Variants in PRKG1 observed in about 807,000 individuals in gnomAD.
PRKG1 encodes cGMP-dependent protein kinase 1.
Under a neutral mutation model 88.1 loss-of-function variants are expected in PRKG1, and 35 were observed. The observed-to-expected ratio is 0.40, with a 90% CI of 0.30 to 0.53. The LOEUF (loss-of-function observed/expected upper bound fraction) is 0.53, where lower values mean the gene tolerates loss of function less well. Among genes scored for constraint, PRKG1 ranks in the 20% least tolerant of loss-of-function variants. The pLI is 0.59. For missense variants in PRKG1, 540 were observed against 839.8 expected (o/e 0.64, Z 4.41); for synonymous variants, 303 against 292.5 (o/e 1.04, Z -0.37).
Position 51,683,877 on chromosome 10 carries a change from G to A in PRKG1, c.593-120708G>A, listed in dbSNP as rs1564605029. Among the ~76,000 whole-genome samples the A allele has an allele frequency of 2.6e-5, 4 of 152,204 alleles. No homozygotes were observed. In the South Asian group the frequency reaches 8.3e-4, roughly 32 times the overall value. ...GTTACAAAAAAACAGAATCAGATTG[G>A]TCTATTGCAGTTACAAGAGGATGTA... On this transcript the variant is annotated intron_variant, in intron 3 of 17. Coordinates refer to ENST00000373980, the MANE Select transcript of PRKG1 (RefSeq NM_006258.4).
intron 2 of PRKG1, among the ~76,000 whole-genome samples, chr10:51,185,148 C>G (rs1837452823): frequency 6.6e-6 from 1 of 152,068 alleles, no homozygotes; most frequent in Admixed American, 6.6e-5. Context: ...TTCACAGGGT[C>G]AAGTCTTGGA....
At chr10:51,628,693 CT>C (rs1219694446) in intron 3 of PRKG1, among the ~76,000 whole-genome samples, 1 of 152,052 alleles carries the variant, frequency 6.6e-6, no homozygotes, top group African/African-American at 2.4e-5. Context: ...GGCGCGGTGG[CT>C]CACGCCTGTA....
rs1379572247 is a variant in PRKG1, at chr10:51,153,215, C to G, written c.363C>G (p.Asn121Lys). The G allele has an allele frequency of 6.2e-7, 1 of 1,612,396 alleles. No individual in the cohort carries two copies. The highest frequency in any genetic ancestry group is 1.3e-5 in the African/African-American group (1 of 74,782). ...EAILDNDFMK[N>K]LELSQIQEIV... ...TCCTTGACAATGACTTTATGAAGAA[C>G]TTGGAGCTGTCGCAGATCCAGGAGA... is the stretch of plus-strand genomic sequence containing the variant. Residue 121 changes from asparagine to lysine, a missense_variant, in exon 2 of 18, where the codon AAC becomes AAG. Physicochemically the swap from Asn to Lys is moderately conservative, Grantham distance 94. This residue lies in a region of PRKG1 where 400 missense variants were observed against 562.7 expected (regional missense o/e 0.71). Transcript: ENST00000373980.
At chr10:51,352,206 A>C (rs1300499066) in intron 2 of PRKG1, among the ~76,000 whole-genome samples, 1 of 152,130 alleles carries the variant, frequency 6.6e-6, no homozygotes, top group East Asian at 1.9e-4. Flanking sequence ...CTTTTTGCTT[A>C]GGATTGTCTT....
At chr10:51,549,802 T>C (rs1292945875) in intron 3 of PRKG1, among the ~76,000 whole-genome samples, 4 of 152,146 alleles carry the variant, frequency 2.6e-5, no homozygotes, top group African/African-American at 9.6e-5. Flanking sequence ...TATTGACTTT[T>C]TTGAGAGCAG....
At chr10:51,102,009 G>A (rs1339617300) in intron 1 of PRKG1, among the ~76,000 whole-genome samples, 2 of 152,160 alleles carry the variant, frequency 1.3e-5, no homozygotes, top group East Asian at 1.9e-4. Flanking sequence ...AAATAGTTGT[G>A]ATTTGTGGTA....
At chr10:51,286,198 C>T (rs995844474) in intron 2 of PRKG1, among the ~76,000 whole-genome samples, 5 of 152,082 alleles carry the variant, frequency 3.3e-5, no homozygotes, top group Non-Finnish European at 7.4e-5. Flanking sequence ...CTTGAACTCC[C>T]GGCCTCAGGT....
chr10:51,071,856 C>G (rs543987663), upstream of PRKG1, among the ~76,000 whole-genome samples: 10 of 152,290 alleles, frequency 6.6e-5, no homozygotes, highest in African/African-American at 2.4e-4. Context: ...TAAATAAACT[C>G]TAAAACATCA....
chr10:51,967,369 C>T (rs11000321), intron 5 of PRKG1, among the ~76,000 whole-genome samples: 4 of 151,820 alleles, frequency 2.6e-5, no homozygotes, highest in Admixed American at 6.6e-5. Flanking sequence ...AATGAGAACA[C>T]ATGGACACAG....
At chr10:51,373,697 AC>A (rs1256016817) in intron 2 of PRKG1, among the ~76,000 whole-genome samples, 1 of 152,164 alleles carries the variant, frequency 6.6e-6, no homozygotes, top group African/African-American at 2.4e-5. Flanking sequence ...CATACACACC[AC>A]AGAATACTAT....
At chr10:51,023,851 A>C (rs1453987488) in intron 1 of PRKG1, among the ~76,000 whole-genome samples, 1 of 152,216 alleles carries the variant, frequency 6.6e-6, no homozygotes, top group Non-Finnish European at 1.5e-5. Context: ...CATAACACAA[A>C]AACAATGTTC....
intron 2 of PRKG1, among the ~76,000 whole-genome samples, chr10:51,369,971 A>G (rs1358063999): frequency 6.6e-6 from 1 of 152,158 alleles, no homozygotes; most frequent in Non-Finnish European, 1.5e-5. Flanking sequence ...TCTTTCTTGT[A>G]CTAACTCTAG....
At position 51,905,381 on chromosome 10, in the gene PRKG1, A is replaced by G. The variant is rs146788955; in HGVS notation, c.699-2126A>G. Among the ~76,000 whole-genome samples the G allele has an allele frequency of 7.2e-3, 1,094 of 152,310 alleles. 17 individuals carry two copies. Among genetic ancestry groups the G allele is most frequent in the African/African-American group, 0.025 (1,052 of 41,586 alleles). ...GTGACAAATTAACAACAAAATGTTC[A>G]TGCTTTTACCAAAAGAGAGCATTAT... On this transcript the variant is annotated intron_variant, in intron 4 of 17. Transcript: ENST00000373980.
chr10:51,674,971 C>T (rs1396150150), intron 3 of PRKG1, among the ~76,000 whole-genome samples: 2 of 152,018 alleles, frequency 1.3e-5, no homozygotes, highest in East Asian at 3.9e-4. Flanking sequence ...CCAAGGCTGG[C>T]TTTATGTTTA....
In PRKG1 at chr10:52,003,305, G is replaced by C. The variant is rs182507985; in HGVS notation, c.763-51179G>C. ...TATATGACCTATGATGCAGCTTTCT[G>C]AAATTTCTTGATTCATTTATTTTGA... On this transcript the variant is annotated intron_variant, in intron 5 of 17. Coordinates refer to ENST00000373980, the MANE Select transcript of PRKG1 (RefSeq NM_006258.4). Among the ~76,000 whole-genome samples the C allele has an allele frequency of 2.0e-5, 3 of 152,226 alleles. No individual in the cohort carries two copies. The East Asian group carries it at 5.8e-4, about 29-fold the overall frequency.
intron 7 of PRKG1, among the ~76,000 whole-genome samples, chr10:52,063,938 C>T (rs1344947827): frequency 6.6e-6 from 1 of 152,174 alleles, no homozygotes; most frequent in Non-Finnish European, 1.5e-5. Flanking sequence ...TTTTATGGGC[C>T]TCAGAGGGGC....
intron 4 of PRKG1, among the ~76,000 whole-genome samples, chr10:51,830,381 C>T (rs1444508569): frequency 6.6e-6 from 1 of 152,066 alleles, no homozygotes; most frequent in Non-Finnish European, 1.5e-5. Flanking sequence ...GTTAGCGATA[C>T]TGTGATTCTT....
intron 2 of PRKG1, among the ~76,000 whole-genome samples, chr10:51,268,202 C>G (rs890243542): frequency 3.3e-5 from 5 of 151,898 alleles, no homozygotes; most frequent in Non-Finnish European, 5.9e-5. Flanking sequence ...GGAGGCAGGG[C>G]GAGATCACAG....
intron 2 of PRKG1, among the ~76,000 whole-genome samples, chr10:51,330,660 C>A (rs908472051): frequency 4.6e-5 from 7 of 151,920 alleles, no homozygotes; most frequent in Non-Finnish European, 1.0e-4. Context: ...TGTTTTCTTC[C>A]AAGATTTCTG....
Sources: gnomAD v4.1 joint callset for allele counts (sites outside exome capture counted in the v4.1 genomes callset) on GRCh38, gnomAD v4.1.1 for gene constraint, gnomAD v4.1.1 regional missense constraint, MANE v1.5 for transcripts, NCBI Gene and HGNC (gene_info 2026-07-23, HGNC 2026-07-21) for gene names.